The following KANK1 variants were observed in gnomAD, a reference collection of about 807,000 sequenced individuals.
The protein encoded by KANK1 is KN motif and ankyrin repeat domain-containing protein 1.
KANK1 carries 109 observed loss-of-function variants against 106.2 expected under a neutral mutation model. The observed-to-expected ratio is 1.03, with a 90% CI of 0.88 to 1.20. The LOEUF is 1.20. KANK1 is among the 50% of genes most tolerant of loss of function. KANK1 has a pLI of 0.00. For missense variants in KANK1, 2,399 were observed against 1,710.7 expected (o/e 1.40, Z -7.10); for synonymous variants, 873 against 652.2 (o/e 1.34, Z -5.16).
At chr9:489,422 C>T (rs116445727) in intron 3 of KANK1, among the ~76,000 whole-genome samples, 1 of 152,248 alleles carries the variant, frequency 6.6e-6, no homozygotes, top group African/African-American at 2.4e-5. Context: ...TTCAGATAAA[C>T]AATGAATACT....
At chr9:639,091 A>G (rs1439429121) in intron 1 of KANK1, among the ~76,000 whole-genome samples, 2 of 152,164 alleles carry the variant, frequency 1.3e-5, no homozygotes, top group Non-Finnish European at 2.9e-5. Context: ...CACTCTTAGG[A>G]CATGCTTTCC....
chr9:621,696 G>T (rs1833180684), intron 1 of KANK1, among the ~76,000 whole-genome samples: 1 of 151,990 alleles, frequency 6.6e-6, no homozygotes. Flanking sequence ...CTCAGCAAGA[G>T]CATGGGTTGC....
chr9:671,517 G>A (rs1446382687), intron 1 of KANK1, among the ~76,000 whole-genome samples: 3 of 147,116 alleles, frequency 2.0e-5, no homozygotes, highest in African/African-American at 5.1e-5. Flanking sequence ...GGTGGAGGCT[G>A]AGGCAGGAGA....
chr9:588,792 TC>T (rs1824147192), intron 1 of KANK1, among the ~76,000 whole-genome samples: 1 of 152,046 alleles, frequency 6.6e-6, no homozygotes, highest in African/African-American at 2.4e-5. Flanking sequence ...TGCCTCAATT[TC>T]CCCGTAAGTA....
At chr9:643,543 A>ATTTTT (rs774468238) in intron 1 of KANK1, among the ~76,000 whole-genome samples, 7 of 102,444 alleles carry the variant, frequency 6.8e-5, no homozygotes, top group South Asian at 3.2e-4. Context: ...TTTCTTTTTG[A>ATTTTT]TTTTTTTTTT....
At chr9:639,902 A>C (rs189602709) in intron 1 of KANK1, among the ~76,000 whole-genome samples, 1 of 152,212 alleles carries the variant, frequency 6.6e-6, no homozygotes, top group Admixed American at 6.5e-5. Context: ...AGCTTCCTCA[A>C]ACCCTTTGTA....
chr9:536,036 T>A (rs2133693188), intron 1 of KANK1, among the ~76,000 whole-genome samples: 1 of 152,224 alleles, frequency 6.6e-6, no homozygotes, highest in East Asian at 1.9e-4. Flanking sequence ...ACCCACAAAT[T>A]TCATGCTTAA....
chr9:551,548 G>A (rs2061282400), intron 1 of KANK1, among the ~76,000 whole-genome samples: 2 of 152,184 alleles, frequency 1.3e-5, no homozygotes, highest in African/African-American at 4.8e-5. Context: ...ACTCTGTGAA[G>A]TTAGCTGGTT....
intron 1 of KANK1, among the ~76,000 whole-genome samples, chr9:599,268 C>G (rs551404353): frequency 7.9e-5 from 12 of 151,050 alleles, no homozygotes; most frequent in Non-Finnish European, 1.5e-4. Flanking sequence ...TCTGCCCATC[C>G]CAGCCTCCCA....
intron 1 of KANK1, among the ~76,000 whole-genome samples, chr9:627,634 C>G (rs988098924): frequency 6.6e-6 from 1 of 152,212 alleles, no homozygotes; most frequent in Non-Finnish European, 1.5e-5. Flanking sequence ...GAGTCTTCTT[C>G]AGTCTGCTAT....
intron 8 of KANK1, among the ~76,000 whole-genome samples, chr9:739,284 G>C (rs1589330209): frequency 6.6e-6 from 1 of 152,168 alleles, no homozygotes; most frequent in Non-Finnish European, 1.5e-5. Flanking sequence ...GTATGTGACA[G>C]AGAAGTCAGA....
At chr9:506,675 A>G (rs140882882) in intron 1 of KANK1, among the ~76,000 whole-genome samples, 2 of 152,344 alleles carry the variant, frequency 1.3e-5, no homozygotes, top group Non-Finnish European at 2.9e-5. Context: ...TGGCCACTGG[A>G]ATTGATACAT....
Position 711,234 on chromosome 9 carries a change from GAC to G in KANK1, c.471_472del (p.Leu158AspfsTer20). ...CAAAGCATAACCTTCATGTCACCAA[GAC>G]ACTGATGGAGACCCGGAGAAGACTG... The part of the protein sequence containing the change: ...LPKHNLHVTK[T>X]LMETRRRLEQ... On this transcript the variant is annotated frameshift_variant, in exon 3 of 12. Transcript: ENST00000382297. LOFTEE classifies it high-confidence loss of function. The G allele has an allele frequency of 6.2e-7, 1 of 1,614,114 alleles. No homozygotes were observed. The highest frequency in any genetic ancestry group is 1.1e-5 in the South Asian group (1 of 91,074).
At position 712,986 on chromosome 9, in the gene KANK1, G is replaced by A. The variant is rs764828819; in HGVS notation, c.2220G>A (p.Thr740=). 2.2e-5 allele frequency: 35 copies of A among 1,614,070 alleles called. No individual in the cohort carries two copies. The highest frequency in any genetic ancestry group is 6.7e-5 in the African/African-American group (5 of 74,918). Residue 740 remains threonine (T), a synonymous_variant, in exon 3 of 12, where the codon ACG becomes ACA. Coordinates refer to ENST00000382297, the MANE Select transcript of KANK1 (RefSeq NM_015158.5). The part of the protein sequence containing the change: ...STKTRSIGVG[T]LLSGHSGFDR... ...AGACGCGGTCCATTGGTGTTGGAAC[G>A]TTGCTTTCTGGCCATTCTGGGTTTG... is the stretch of plus-strand genomic sequence containing the variant.
chr9:538,591 C>T (rs897742439), intron 1 of KANK1, among the ~76,000 whole-genome samples: 3 of 152,168 alleles, frequency 2.0e-5, no homozygotes, highest in African/African-American at 7.2e-5. Context: ...TGCAGAGGTT[C>T]CTTCAAACAG....
At chr9:567,224 C>G (rs1262308121) in intron 1 of KANK1, among the ~76,000 whole-genome samples, 1 of 152,104 alleles carries the variant, frequency 6.6e-6, no homozygotes, top group Non-Finnish European at 1.5e-5. Context: ...GTACCAGTGC[C>G]ATGCTGTTTT....
chr9:551,093 G>C lies in KANK1; in HGVS notation c.-84+46339G>C, dbSNP rs148163010. ...TGAATGAGGAACATGATGTGGGTTGGGGTGTCAATTCATGGTTAATACAAC... is the reference window on the plus strand; with the variant it reads ...TGAATGAGGAACATGATGTGGGTTGCGGTGTCAATTCATGGTTAATACAAC... On this transcript the variant is annotated intron_variant, in intron 1 of 11. Transcript: ENST00000382297. Among the ~76,000 whole-genome samples, 10 of 152,032 alleles carry C rather than the reference G, an allele frequency of 6.6e-5. No homozygotes were observed. The East Asian group carries it at 1.6e-3, about 24-fold the overall frequency.
intron 1 of KANK1, among the ~76,000 whole-genome samples, chr9:600,810 G>T (rs903523159): frequency 1.3e-5 from 2 of 151,772 alleles, no homozygotes; most frequent in African/African-American, 4.9e-5. Context: ...CGCTTCTTTT[G>T]CACTTTCCAA....
At chr9:739,165 T>C (rs532558609) in intron 8 of KANK1, among the ~76,000 whole-genome samples, 1 of 152,320 alleles carries the variant, frequency 6.6e-6, no homozygotes, top group South Asian at 2.1e-4. Flanking sequence ...CATACACAGA[T>C]GGTACCCTCA....
Sources: allele counts gnomAD v4.1 joint callset (sites outside exome capture counted in the v4.1 genomes callset), GRCh38; gene constraint gnomAD v4.1.1; transcripts MANE v1.5; gene names NCBI Gene and HGNC (gene_info 2026-07-23, HGNC 2026-07-21).